The following NTM variants were observed in gnomAD, a reference collection of about 807,000 sequenced individuals.
The protein encoded by NTM is IgLON family member 2.
Under a neutral mutation model 42.1 loss-of-function variants are expected in NTM, and 13 were observed. The observed-to-expected ratio is 0.31, with a 90% CI of 0.20 to 0.49. The LOEUF (loss-of-function observed/expected upper bound fraction) is 0.49. Ranked by LOEUF, NTM falls within the 20% of genes least tolerant of loss-of-function variation. The probability of loss-of-function intolerance (pLI) is 0.99; values close to 1 mark genes in which losing one functional copy is unlikely to be tolerated. For synonymous variants in NTM, 187 were observed against 179.2 expected, an observed-to-expected ratio of 1.04 and a Z score of -0.35; for missense variants, 373 against 452.8, an observed-to-expected ratio of 0.82 and a Z score of 1.60.
intron 7 of NTM, among the ~76,000 whole-genome samples, chr11:132,315,833 C>G (rs189941429): frequency 6.6e-6 from 1 of 152,238 alleles, no homozygotes; most frequent in African/African-American, 2.4e-5. Context: ...GCCCTTGATC[C>G]CCGAGCCAGT....
intron 2 of NTM, among the ~76,000 whole-genome samples, chr11:132,095,954 A>C (rs1016331054): frequency 6.6e-6 from 1 of 152,130 alleles, no homozygotes; most frequent in Admixed American, 6.5e-5. Context: ...TCCAGTACTG[A>C]CTACTGCCCT....
intron 4 of NTM, among the ~76,000 whole-genome samples, chr11:132,226,949 T>C (rs1345179160): frequency 2.0e-5 from 3 of 152,180 alleles, no homozygotes; most frequent in Non-Finnish European, 4.4e-5. Flanking sequence ...AAAAGCATGC[T>C]TGTGGTAGGA....
At chr11:131,816,544 CAAG>C (rs1183003796) in intron 1 of NTM, among the ~76,000 whole-genome samples, 71 of 75,296 alleles carry the variant, frequency 9.4e-4, no homozygotes, top group African/African-American at 2.5e-3. Context: ...AATATTAAAG[CAAG>C]AAAAAAAAAA....
At chr11:131,783,889 C>T (rs1482178467) in intron 1 of NTM, among the ~76,000 whole-genome samples, 2 of 152,094 alleles carry the variant, frequency 1.3e-5, no homozygotes, top group African/African-American at 2.4e-5. Context: ...ATTTATTTGG[C>T]AAATGACTTG....
chr11:132,019,487 T>C (rs2073990697), intron 2 of NTM, among the ~76,000 whole-genome samples: 1 of 152,048 alleles, frequency 6.6e-6, no homozygotes, highest in Non-Finnish European at 1.5e-5. Context: ...TATTTTGAGA[T>C]TGTGCTTTTA....
chr11:132,322,487 A>C (rs374606664), intron 7 of NTM, among the ~76,000 whole-genome samples: 77 of 128,772 alleles, frequency 6.0e-4, no homozygotes, highest in African/African-American at 2.2e-3. Context: ...AACTATCCTA[A>C]ATATATATGC....
intron 2 of NTM, among the ~76,000 whole-genome samples, chr11:131,922,577 T>A (rs2057384351): frequency 6.6e-6 from 1 of 152,166 alleles, no homozygotes; most frequent in African/African-American, 2.4e-5. Flanking sequence ...ATTCTGTTTG[T>A]CTTTTCTTTT....
At chr11:132,034,035 C>A (rs148917992) in intron 2 of NTM, among the ~76,000 whole-genome samples, 1 of 152,246 alleles carries the variant, frequency 6.6e-6, no homozygotes, top group Non-Finnish European at 1.5e-5. Flanking sequence ...TTAAGATGGT[C>A]TTATAGTTAA....
chr11:131,660,174 G>A (rs1287507099), intron 1 of NTM: 1 of 236,426 alleles, frequency 4.2e-6, no homozygotes. Context: ...TTCTCAAAGT[G>A]TCCCGTAGGA....
At chr11:132,028,507 A>G (rs2075491251) in intron 2 of NTM, among the ~76,000 whole-genome samples, 1 of 152,018 alleles carries the variant, frequency 6.6e-6, no homozygotes, top group African/African-American at 2.4e-5. Flanking sequence ...GAATTCTTTC[A>G]TTTCCATTCC....
At chr11:132,128,519 T>G (rs2066243423) in intron 2 of NTM, among the ~76,000 whole-genome samples, 1 of 152,072 alleles carries the variant, frequency 6.6e-6, no homozygotes, top group Admixed American at 6.6e-5. Context: ...ATCTCCTTCA[T>G]GCAGAAACAG....
intron 2 of NTM, among the ~76,000 whole-genome samples, chr11:132,000,003 C>T (rs1593560998): frequency 6.6e-6 from 1 of 152,086 alleles, no homozygotes; most frequent in South Asian, 2.1e-4. Flanking sequence ...CTTTTTTCCC[C>T]TTCCACCTAG....
At chr11:131,691,732 CGCGGGGCTGAGCGGA>C (rs34968247) in intron 1 of NTM, among the ~76,000 whole-genome samples, 9 of 152,178 alleles carry the variant, frequency 5.9e-5, no homozygotes, top group Non-Finnish European at 1.3e-4. Context: ...CTTTCCGCGG[CGCGGGGCTGAGCGGA>C]GCGGGGCTGG....
intron 2 of NTM, among the ~76,000 whole-genome samples, chr11:132,048,818 C>CTTTTT (rs10563617): frequency 4.5e-5 from 6 of 132,994 alleles, no homozygotes; most frequent in East Asian, 4.5e-4. Context: ...TTTCTTTTTT[C>CTTTTT]TTTTTTTTTT....
At chr11:132,017,757 T>C (rs145597817) in intron 2 of NTM, among the ~76,000 whole-genome samples, 3 of 152,184 alleles carry the variant, frequency 2.0e-5, no homozygotes, top group African/African-American at 7.2e-5. Flanking sequence ...CATCATGATA[T>C]ATTGAGTCTT....
chr11:131,918,758 T>C (rs1239730895), intron 2 of NTM, among the ~76,000 whole-genome samples: 3 of 152,156 alleles, frequency 2.0e-5, no homozygotes, highest in Non-Finnish European at 4.4e-5. Context: ...TCCTGAAGCA[T>C]GAGGAACAGG....
At chr11:131,614,945 A>G (rs1233181877) in intron 1 of NTM, among the ~76,000 whole-genome samples, 3 of 152,148 alleles carry the variant, frequency 2.0e-5, no homozygotes, top group Non-Finnish European at 4.4e-5. Flanking sequence ...CGCCAAGCTC[A>G]TGCCCCCTCC....
intron 4 of NTM, among the ~76,000 whole-genome samples, chr11:132,301,922 C>T (rs1304251488): frequency 6.6e-6 from 1 of 152,180 alleles, no homozygotes; most frequent in African/African-American, 2.4e-5. Flanking sequence ...CAGCTGTACT[C>T]CTGACAAGCT....
intron 2 of NTM, among the ~76,000 whole-genome samples, chr11:132,024,201 C>T (rs1001813773): frequency 1.3e-5 from 2 of 151,822 alleles, no homozygotes; most frequent in Admixed American, 1.3e-4. Context: ...ATTGTTTGCT[C>T]TCTGCATTTC....
Sources: gnomAD v4.1 joint callset for allele counts (sites outside exome capture counted in the v4.1 genomes callset) on GRCh38, gnomAD v4.1.1 for gene constraint, MANE v1.5 for transcripts, NCBI Gene and HGNC (gene_info 2026-07-23, HGNC 2026-07-21) for gene names.